ITPR2: variants seen among roughly 807,000 people sequenced by gnomAD.
ITPR2 encodes inositol 1,4,5-trisphosphate-gated calcium channel ITPR2.
Under a neutral mutation model 317.1 loss-of-function variants are expected in ITPR2, and 207 were observed. The ratio of observed to expected loss-of-function variants is 0.65; its 90% CI spans 0.58 to 0.73. ITPR2 has a LOEUF of 0.73. ITPR2 is among the 30% of genes least tolerant of loss of function. ITPR2 has a pLI of 0.00. For synonymous variants in ITPR2, 1,156 were observed against 1,149.1 expected, an observed-to-expected ratio of 1.01 and a Z score of -0.12; for missense variants, 2,613 against 3,284.0, an observed-to-expected ratio of 0.80 and a Z score of 4.99.
At chr12:26,494,677 G>A (rs1942891677) in intron 38 of ITPR2, among the ~76,000 whole-genome samples, 2 of 145,774 alleles carry the variant, frequency 1.4e-5, no homozygotes, top group South Asian at 4.5e-4. Context: ...GGCTGAGGCA[G>A]GAGAATTGCT....
chr12:26,799,255 G>A (rs1183112056), intron 1 of ITPR2, among the ~76,000 whole-genome samples: 1 of 152,122 alleles, frequency 6.6e-6, no homozygotes, highest in African/African-American at 2.4e-5. Context: ...ATAAATTACA[G>A]TATAAACACT....
intron 52 of ITPR2, among the ~76,000 whole-genome samples, chr12:26,410,275 G>A (rs553099301): frequency 6.6e-6 from 1 of 152,278 alleles, no homozygotes; most frequent in South Asian, 2.1e-4. Flanking sequence ...CAGGCGGCAG[G>A]GGAGAGAAGT....
chr12:26,361,404 A>C (rs1469519695), intron 55 of ITPR2, among the ~76,000 whole-genome samples: 1 of 152,164 alleles, frequency 6.6e-6, no homozygotes, highest in Non-Finnish European at 1.5e-5. Context: ...CCTGTTGCTC[A>C]GAGTAATCTT....
intron 2 of ITPR2, among the ~76,000 whole-genome samples, chr12:26,746,807 A>C (rs1949333152): frequency 6.9e-6 from 1 of 145,290 alleles, no homozygotes. Context: ...GTGTTCTCTT[A>C]TCAGGGGTGC....
At chr12:26,345,394 TA>T (rs1435197066) in intron 55 of ITPR2, among the ~76,000 whole-genome samples, 1 of 152,192 alleles carries the variant, frequency 6.6e-6, no homozygotes, top group Non-Finnish European at 1.5e-5. Context: ...TATATATACA[TA>T]TCTATGATGA....
At chr12:26,724,213 A>AAAC (rs148858006) in intron 4 of ITPR2, among the ~76,000 whole-genome samples, 7,761 of 152,298 alleles carry the variant, frequency 0.051, 290 homozygotes, top group Non-Finnish European at 0.078. Context: ...AGCTGAGATA[A>AAAC]AACAGTGTGT....
At chr12:26,491,011 G>A (rs1369510666) in intron 39 of ITPR2, among the ~76,000 whole-genome samples, 1 of 152,164 alleles carries the variant, frequency 6.6e-6, no homozygotes, top group South Asian at 2.1e-4. Context: ...TTTGAGGAAT[G>A]GCAAAGAGCT....
At chr12:26,475,649 G>A (rs193007355) in intron 44 of ITPR2, among the ~76,000 whole-genome samples, 37 of 152,158 alleles carry the variant, frequency 2.4e-4, no homozygotes, top group Admixed American at 9.8e-4. Flanking sequence ...TGATAGTGCC[G>A]AAGTTCCCAT....
intron 10 of ITPR2, among the ~76,000 whole-genome samples, chr12:26,693,844 AC>A (rs1948284754): frequency 6.6e-6 from 1 of 152,216 alleles, no homozygotes; most frequent in East Asian, 1.9e-4. Context: ...TTTACTAGAA[AC>A]AACTTACAAA....
At chr12:26,533,952 A>T (rs11048566) in intron 37 of ITPR2, among the ~76,000 whole-genome samples, 107,713 of 152,104 alleles carry the variant, frequency 0.71, 39,768 homozygotes, top group Non-Finnish European at 0.83. Context: ...ATACAATACA[A>T]GGCAGATTCC....
chr12:26,592,372 A>C (rs1945730626), intron 32 of ITPR2, among the ~76,000 whole-genome samples: 1 of 152,194 alleles, frequency 6.6e-6, no homozygotes, highest in Admixed American at 6.5e-5. Context: ...GTCAACAATA[A>C]TTTCTTGTAC....
chr12:26,790,579 A>G (rs1027901713), intron 1 of ITPR2, among the ~76,000 whole-genome samples: 8 of 129,766 alleles, frequency 6.2e-5, no homozygotes, highest in Non-Finnish European at 1.3e-4. Context: ...TAAGATACAT[A>G]TATGCTTACA....
chr12:26,406,473 G>A (rs1286961781), intron 52 of ITPR2: 1 of 123,988 alleles, frequency 8.1e-6, no homozygotes, highest in Non-Finnish European at 1.6e-5. Flanking sequence ...TTGGTTGCCA[G>A]TTACTGCGTG....
intron 49 of ITPR2, chr12:26,419,903 A>G (rs775063024): frequency 6.6e-6 from 1 of 152,150 alleles, no homozygotes; most frequent in Non-Finnish European, 1.5e-5. Flanking sequence ...CATAGAAAAT[A>G]TAAATGTACT....
chr12:26,602,275 A>G (rs1279845532), intron 28 of ITPR2, 95 bp downstream of exon 28: 15 of 1,381,720 alleles, frequency 1.1e-5, no homozygotes, highest in Non-Finnish European at 1.5e-5. Context: ...TTATTCTAAA[A>G]TAATTAAGAA....
At chr12:26,574,968 C>T (rs1014068316) in intron 34 of ITPR2, among the ~76,000 whole-genome samples, 11 of 151,702 alleles carry the variant, frequency 7.3e-5, no homozygotes, top group Non-Finnish European at 1.5e-4. Flanking sequence ...CGTCGGAATC[C>T]CATTTCCACA....
chr12:26,410,806 C>A (rs1450551722), intron 52 of ITPR2, among the ~76,000 whole-genome samples: 2 of 152,050 alleles, frequency 1.3e-5, no homozygotes, highest in African/African-American at 4.8e-5. Context: ...ATGTATGGTT[C>A]CATTTGATCC....
At chr12:26,664,361 C>G (rs766993713) in intron 14 of ITPR2, among the ~76,000 whole-genome samples, 1 of 152,092 alleles carries the variant, frequency 6.6e-6, no homozygotes, top group Non-Finnish European at 1.5e-5. Context: ...AAGATGTGGC[C>G]AAATCGATGA....
At chr12:26,590,955 C>T (rs1945684802) in intron 32 of ITPR2, among the ~76,000 whole-genome samples, 1 of 151,828 alleles carries the variant, frequency 6.6e-6, no homozygotes, top group African/African-American at 2.4e-5. Flanking sequence ...TGGCAGGTGC[C>T]TGTAGTCCCA....
Sources: gnomAD v4.1 joint callset for allele counts (sites outside exome capture counted in the v4.1 genomes callset) on GRCh38, gnomAD v4.1.1 for gene constraint, MANE v1.5 for transcripts, NCBI Gene and HGNC (gene_info 2026-07-23, HGNC 2026-07-21) for gene names.